The following ANKFY1 variants were observed in gnomAD, a reference collection of about 807,000 sequenced individuals.
ANKFY1 encodes ankyrin repeat and FYVE domain containing 1, also known as ankyrin repeat and FYVE domain-containing protein 1.
In ANKFY1, 47 loss-of-function variants were observed where a neutral mutation model predicts 128.3. The observed-to-expected ratio is 0.37, with a 90% CI of 0.29 to 0.47. The LOEUF is 0.47. ANKFY1 is among the 20% of genes least tolerant of loss of function. The pLI is 1.00. For synonymous variants in ANKFY1, 553 were observed against 601.6 expected (o/e 0.92, Z 1.18); for missense variants, 1,222 against 1,510.6 (o/e 0.81, Z 3.17).
At position 4,234,509 on chromosome 17, in the gene ANKFY1, CT is replaced by C. The variant is rs201777022; in HGVS notation, c.322+1262del. 5.6e-3 allele frequency among the ~76,000 whole-genome samples: 803 copies of C among 142,902 alleles called. 2 individuals are homozygous for C. The highest frequency in any genetic ancestry group is 0.012 in the African/African-American group (470 of 39,242). The allele number at this position is 142,902 out of a possible 152,430, so 93.7% of individuals were successfully genotyped here. The stretch of plus-strand genomic sequence containing the variant: ...AGGCCAATGTAGCTATTAATTTTTT[CT>C]TTTTTTTTTTTTGAGACAGGGTCTT... On this transcript the variant is annotated intron_variant, in intron 3 of 24. Coordinates refer to ENST00000341657, the MANE Select transcript of ANKFY1 (RefSeq NM_001330063.2).
chr17:4,248,163 C>A (rs1357942364), intron 1 of ANKFY1, among the ~76,000 whole-genome samples: 1 of 152,212 alleles, frequency 6.6e-6, no homozygotes, highest in Non-Finnish European at 1.5e-5. Context: ...GTGTCCCCGA[C>A]CTCCAGGCCG....
chr17:4,209,740 T>A, intron 5 of ANKFY1, 84 bp downstream of exon 5: 1 of 1,468,360 alleles, frequency 6.8e-7, no homozygotes, highest in Non-Finnish European at 9.2e-7. Flanking sequence ...GCCAGAGAGG[T>A]CACTTTCCAT....
chr17:4,193,730 C>T (rs1025369717), intron 10 of ANKFY1, among the ~76,000 whole-genome samples: 3 of 150,692 alleles, frequency 2.0e-5, no homozygotes, highest in African/African-American at 7.3e-5. Flanking sequence ...CCTGGCTGAC[C>T]TTTAATTTTT....
chr17:4,238,674 G>C (rs111577541), intron 2 of ANKFY1, among the ~76,000 whole-genome samples: 2 of 151,386 alleles, frequency 1.3e-5, no homozygotes, highest in African/African-American at 4.9e-5. Context: ...GAGTTTCACC[G>C]TGTTGGTCAG....
intron 23 of ANKFY1, among the ~76,000 whole-genome samples, chr17:4,170,412 T>G (rs564986941): frequency 6.6e-6 from 1 of 152,252 alleles, no homozygotes; most frequent in South Asian, 2.1e-4. Context: ...AGGACAGGTG[T>G]GCAGGTAAGT....
At chr17:4,183,212 C>T (rs759559697) in intron 14 of ANKFY1, among the ~76,000 whole-genome samples, 186 bp downstream of exon 14, 11 of 152,182 alleles carry the variant, frequency 7.2e-5, no homozygotes, top group East Asian at 1.9e-4. Flanking sequence ...AGTTCCTTTC[C>T]GCCATTACAA....
intron 1 of ANKFY1, among the ~76,000 whole-genome samples, chr17:4,247,716 C>T (rs1243783269): frequency 1.3e-5 from 2 of 152,112 alleles, no homozygotes; most frequent in African/African-American, 2.4e-5. Context: ...TTATTCTGAG[C>T]AAAATGGAGA....
rs2059525712 is a variant in ANKFY1, at chr17:4,182,061, C to T, written c.2121+120G>A. ...TTTAACATGCTTTCAACTGCTTGTCCTTGTCCCACTATGTTACTTGACAGA... is the reference window on the plus strand; with the variant it reads ...TTTAACATGCTTTCAACTGCTTGTCTTTGTCCCACTATGTTACTTGACAGA... On this transcript the variant is annotated intron_variant, in intron 15 of 24. Transcript: ENST00000341657. The T allele has an allele frequency of 5.7e-6, 6 of 1,057,790 alleles. No homozygotes were observed. The East Asian group carries it at 1.7e-4, about 30-fold the overall frequency. 65.5% of individuals were successfully genotyped at this position (1,057,790 alleles called of 1,614,324 possible). A position where few individuals can be genotyped will look rare whatever the true frequency, so the allele number is the denominator to read the frequency against.
intron 3 of ANKFY1, among the ~76,000 whole-genome samples, chr17:4,231,445 T>C (rs931886647): frequency 1.3e-5 from 2 of 151,386 alleles, no homozygotes; most frequent in African/African-American, 4.9e-5. Context: ...GCCGCGATAG[T>C]GTCACTGCAT....
At chr17:4,236,958 A>G (rs773509894) in intron 2 of ANKFY1, among the ~76,000 whole-genome samples, 2 of 152,070 alleles carry the variant, frequency 1.3e-5, no homozygotes, top group Non-Finnish European at 2.9e-5. Flanking sequence ...TAACATAGTG[A>G]AACCCCGTCT....
At chr17:4,261,481 A>C (rs1968413188) in intron 1 of ANKFY1, among the ~76,000 whole-genome samples, 1 of 152,254 alleles carries the variant, frequency 6.6e-6, no homozygotes, top group South Asian at 2.1e-4. Flanking sequence ...CTCCCTCAAA[A>C]GGAAAGGGGA....
chr17:4,241,104 T>C (rs1315824491), intron 2 of ANKFY1, among the ~76,000 whole-genome samples: 1 of 152,224 alleles, frequency 6.6e-6, no homozygotes, highest in African/African-American at 2.4e-5. Context: ...TACTATGTGC[T>C]ATGCAGTGTT....
chr17:4,218,680 A>G (rs1201779481), intron 3 of ANKFY1, among the ~76,000 whole-genome samples: 1 of 152,196 alleles, frequency 6.6e-6, no homozygotes, highest in Non-Finnish European at 1.5e-5. Flanking sequence ...ACTACAGAAG[A>G]AAAAAATTAA....
At chr17:4,206,665 T>C (rs1316954165) in intron 6 of ANKFY1, among the ~76,000 whole-genome samples, 179 bp from the exon 7 acceptor site, 4 of 152,178 alleles carry the variant, frequency 2.6e-5, no homozygotes, top group Non-Finnish European at 5.9e-5. Flanking sequence ...TTCCTCAGGG[T>C]ACATGTTTTC....
intron 9 of ANKFY1, 46 bp downstream of exon 9, chr17:4,195,357 C>T (rs1280580205): frequency 6.4e-7 from 1 of 1,571,756 alleles, no homozygotes; most frequent in Admixed American, 1.7e-5. Flanking sequence ...CACTCACAAT[C>T]CCCCCTCACA....
In ANKFY1 at chr17:4,166,012, A is replaced by T. The variant is rs1207479734; in HGVS notation, c.*1767T>A. 2.0e-5 allele frequency: 3 copies of T among 152,226 alleles called. No homozygotes were observed. Among genetic ancestry groups the T allele is most frequent in the Non-Finnish European group, 4.4e-5 (3 of 68,028 alleles). 9.4% of individuals were successfully genotyped at this position (152,226 alleles called of 1,614,324 possible). ...TGGCCAAATGTTTGCCAAGACTAGCAGAGTTTTTCTTTTAAACATTCTGTA... is the reference window on the plus strand; with the variant it reads ...TGGCCAAATGTTTGCCAAGACTAGCTGAGTTTTTCTTTTAAACATTCTGTA... On this transcript the variant is annotated 3_prime_UTR_variant, in exon 25 of 25. Coordinates refer to ENST00000341657, the MANE Select transcript of ANKFY1 (RefSeq NM_001330063.2).
chr17:4,234,336 T>C (rs1322395069), intron 3 of ANKFY1, among the ~76,000 whole-genome samples: 1 of 152,098 alleles, frequency 6.6e-6, no homozygotes, highest in Non-Finnish European at 1.5e-5. Flanking sequence ...TCTTTGCCCC[T>C]TTTTTTCCAA....
chr17:4,215,446 G>A (rs927386688), intron 4 of ANKFY1, among the ~76,000 whole-genome samples: 17 of 152,194 alleles, frequency 1.1e-4, no homozygotes, highest in Admixed American at 4.6e-4. Context: ...TACAAAAAGA[G>A]CAACGGCTGC....
intron 22 of ANKFY1, among the ~76,000 whole-genome samples, chr17:4,171,150 G>A (rs910003971): frequency 1.3e-5 from 2 of 152,224 alleles, no homozygotes; most frequent in Admixed American, 6.5e-5. Context: ...CTGAGGTCGC[G>A]CAGGTGGGGA....
Sources: allele counts gnomAD v4.1 joint callset (sites outside exome capture counted in the v4.1 genomes callset), GRCh38; gene constraint gnomAD v4.1.1; transcripts MANE v1.5; gene names NCBI Gene and HGNC (gene_info 2026-07-23, HGNC 2026-07-21).